The following LRRIQ3 variants were observed in gnomAD, a reference collection of about 807,000 sequenced individuals.
LRRIQ3 encodes the protein leucine rich repeats and IQ motif containing 3, also known as leucine-rich repeat and IQ domain-containing protein 3.
Under a neutral mutation model 59.3 loss-of-function variants are expected in LRRIQ3, and 75 were observed. That is an observed-to-expected ratio of 1.26 (90% CI 1.05 to 1.53). The LOEUF (loss-of-function observed/expected upper bound fraction) is 1.53, where lower values mean the gene tolerates loss of function less well. LRRIQ3 is among the 40% of genes most tolerant of loss of function. LRRIQ3 has a pLI of 0.00. For missense variants in LRRIQ3, 831 were observed against 710.0 expected (o/e 1.17, Z -1.94); for synonymous variants, 250 against 231.3 (o/e 1.08, Z -0.73).
chr1:74,125,006 T>C (rs1276164971), intron 4 of LRRIQ3, among the ~76,000 whole-genome samples: 2 of 149,558 alleles, frequency 1.3e-5, no homozygotes, highest in Non-Finnish European at 3.0e-5. Flanking sequence ...TGTATTTCCA[T>C]TTTTTTTGTA....
In LRRIQ3 at chr1:74,056,230, TA is replaced by T. The variant is rs1304310863; in HGVS notation, c.998-14298del. The stretch of plus-strand genomic sequence containing the variant: ...ATAGCAGGAACATACTTCAACACAG[TA>T]AAGACCATATATGACAAAACCATAG... On this transcript the variant is annotated intron_variant, in intron 6 of 7. Coordinates refer to ENST00000354431, the MANE Select transcript of LRRIQ3 (RefSeq NM_001105659.2). 7.3e-5 allele frequency among the ~76,000 whole-genome samples: 11 copies of T among 151,560 alleles called. No homozygotes were observed. In the East Asian group the frequency reaches 2.1e-3, roughly 29 times the overall value.
intron 4 of LRRIQ3, among the ~76,000 whole-genome samples, chr1:74,133,613 C>T (rs893508052): frequency 2.7e-5 from 4 of 150,238 alleles, no homozygotes; most frequent in East Asian, 2.0e-4. Context: ...ATTGCAAGGA[C>T]GAAAAACCAA....
At chr1:74,091,876 G>T (rs954388293) in intron 5 of LRRIQ3, among the ~76,000 whole-genome samples, 1 of 151,888 alleles carries the variant, frequency 6.6e-6, no homozygotes, top group African/African-American at 2.4e-5. Flanking sequence ...CTGCAGCAAA[G>T]ACTTATATTT....
At chr1:74,069,992 G>A (rs1654975464) in intron 6 of LRRIQ3, among the ~76,000 whole-genome samples, 1 of 152,042 alleles carries the variant, frequency 6.6e-6, no homozygotes. Context: ...TGACAAGGTT[G>A]TGGAGAAAAG....
At chr1:74,197,909 G>A in intron 1 of LRRIQ3, 87 bp downstream of exon 1, 1 of 274,590 alleles carries the variant, frequency 3.6e-6, no homozygotes, top group South Asian at 9.4e-5. Context: ...CGCCTTTGAT[G>A]TGAAAGCTGG....
At chr1:74,156,175 G>T (rs1294796713) in intron 3 of LRRIQ3, among the ~76,000 whole-genome samples, 3 of 152,000 alleles carry the variant, frequency 2.0e-5, no homozygotes, top group Admixed American at 2.0e-4. Context: ...GTTCACATGA[G>T]ATCTGGTTGT....
chr1:74,120,572 A>G (rs1396447776), intron 4 of LRRIQ3, among the ~76,000 whole-genome samples: 1 of 152,040 alleles, frequency 6.6e-6, no homozygotes, highest in African/African-American at 2.4e-5. Context: ...TTTTAAATCT[A>G]CTAATCTCTT....
At chr1:74,127,104 A>G (rs1570162661) in intron 4 of LRRIQ3, among the ~76,000 whole-genome samples, 1 of 151,882 alleles carries the variant, frequency 6.6e-6, no homozygotes, top group South Asian at 2.1e-4. Context: ...ATTATATAAT[A>G]ACCTTCTTTG....
intron 4 of LRRIQ3, among the ~76,000 whole-genome samples, chr1:74,121,108 T>C (rs1034184464): frequency 1.3e-5 from 2 of 152,158 alleles, no homozygotes; most frequent in African/African-American, 4.8e-5. Context: ...TATTATAGTC[T>C]TGTTCATTAA....
chr1:74,141,710 T>C (rs900157254), intron 4 of LRRIQ3, among the ~76,000 whole-genome samples: 1 of 151,820 alleles, frequency 6.6e-6, no homozygotes, highest in African/African-American at 2.4e-5. Flanking sequence ...TTTATGTCAC[T>C]TTTATCCAAA....
intron 5 of LRRIQ3, among the ~76,000 whole-genome samples, chr1:74,094,359 A>C (rs1015996378): frequency 6.6e-6 from 1 of 152,052 alleles, no homozygotes. Flanking sequence ...TGATAAAATA[A>C]TAGGGGTCTT....
chr1:74,066,528 C>A (rs1654872468), intron 6 of LRRIQ3, among the ~76,000 whole-genome samples: 1 of 151,976 alleles, frequency 6.6e-6, no homozygotes, highest in Non-Finnish European at 1.5e-5. Flanking sequence ...ACAATAACAG[C>A]AGCAGCAGCA....
intron 6 of LRRIQ3, among the ~76,000 whole-genome samples, chr1:74,058,747 A>C (rs1004341539): frequency 6.6e-6 from 1 of 152,060 alleles, no homozygotes; most frequent in Non-Finnish European, 1.5e-5. Context: ...GGGAATGGTA[A>C]ATGTTTGAGG....
intron 3 of LRRIQ3, among the ~76,000 whole-genome samples, chr1:74,162,021 C>T (rs1261350507): frequency 1.3e-5 from 2 of 151,802 alleles, no homozygotes; most frequent in South Asian, 2.1e-4. Context: ...CTACCACTTG[C>T]TAGCTGTGTA....
At chr1:74,139,102 A>ATG (rs1219982717) in intron 4 of LRRIQ3, among the ~76,000 whole-genome samples, 2 of 137,270 alleles carry the variant, frequency 1.5e-5, no homozygotes, top group Non-Finnish European at 3.1e-5. Flanking sequence ...GTGTATATAT[A>ATG]TATACATATA....
intron 5 of LRRIQ3, chr1:74,082,510 A>G (rs1345841547): frequency 6.6e-6 from 1 of 151,578 alleles, no homozygotes. Flanking sequence ...AATAAAATAC[A>G]TAGCTCAAGA....
At chr1:74,039,809 C>G (rs1162662389) in intron 7 of LRRIQ3, among the ~76,000 whole-genome samples, 1 of 152,112 alleles carries the variant, frequency 6.6e-6, no homozygotes, top group African/African-American at 2.4e-5. Flanking sequence ...AAAGGAAAAA[C>G]CGGTACCAGC....
In LRRIQ3 at chr1:74,077,469, AT is replaced by A. The variant is rs909668722; in HGVS notation, c.868-2680del. Among the ~76,000 whole-genome samples the A allele has an allele frequency of 9.7e-4, 148 of 152,016 alleles. 1 individual carries two copies. Among genetic ancestry groups the A allele is most frequent in the African/African-American group, 3.4e-3 (143 of 41,524 alleles). On this transcript the variant is annotated intron_variant, in intron 5 of 7. Transcript: ENST00000354431. ...AAAACAAGAACCCCCCCCAAAAAAA[AT>A]CTGTCAAATTTGAGATATCCAAACT...
chr1:74,097,527 A>C (rs1006573841), intron 5 of LRRIQ3, among the ~76,000 whole-genome samples: 2 of 152,188 alleles, frequency 1.3e-5, no homozygotes, highest in African/African-American at 4.8e-5. Flanking sequence ...AAGGCAGGCC[A>C]ACATTCAAAT....
Sources: gnomAD v4.1 joint callset for allele counts (sites outside exome capture counted in the v4.1 genomes callset) on GRCh38, gnomAD v4.1.1 for gene constraint, MANE v1.5 for transcripts, NCBI Gene and HGNC (gene_info 2026-07-23, HGNC 2026-07-21) for gene names.